The following STAM variants were observed in gnomAD, a reference collection of about 807,000 sequenced individuals.
The protein encoded by STAM is signal transducing adapter molecule 1.
STAM carries 16 observed loss-of-function variants against 63.4 expected under a neutral mutation model. That is an observed-to-expected ratio of 0.25 (90% CI 0.17 to 0.38). The LOEUF is 0.38. Ranked by LOEUF, STAM falls within the 10% of genes least tolerant of loss-of-function variation. STAM has a pLI of 1.00. For synonymous variants in STAM, 238 were observed against 223.9 expected, an observed-to-expected ratio of 1.06 and a Z score of -0.56; for missense variants, 636 against 657.1, an observed-to-expected ratio of 0.97 and a Z score of 0.35.
rs146234865 is a variant in STAM at position 17,705,669 on chromosome 10, G to A, written c.1137G>A (p.Pro379=). The part of the protein sequence containing the change: ...SLYTKLMNED[P]MYSMYAKLQN... ...ATACCAAGTTAATGAACGAAGATCC[G>A]ATGTATTCCATGTATGCAAAGTTAC... Residue 379 remains proline (P), a synonymous_variant, in exon 12 of 14, where the codon CCG becomes CCA. Transcript: ENST00000377524. 24 of 1,613,844 alleles carry A rather than the reference G, an allele frequency of 1.5e-5. No individual in the cohort carries two copies. The highest frequency in any genetic ancestry group is 6.7e-5 in the East Asian group (3 of 44,892).
In STAM at chr10:17,704,892, A is replaced by C. The variant is rs562496820; in HGVS notation, c.1001-78A>C. ...CCAAATTAAATCTTTTATTCCTTAA[A>C]TTATACAAATATCTATCAAAGGTTC... On this transcript the variant is annotated intron_variant, in intron 10 of 13. Coordinates refer to ENST00000377524, the MANE Select transcript of STAM (RefSeq NM_003473.4). 5.2e-5 allele frequency: 63 copies of C among 1,217,020 alleles called. No homozygotes were observed. In the African/African-American group the frequency reaches 8.7e-4, roughly 17 times the overall value. 75.4% of individuals were successfully genotyped at this position (1,217,020 alleles called of 1,614,324 possible).
chr10:17,652,645 T>TA (rs1432597790), intron 1 of STAM, among the ~76,000 whole-genome samples: 1 of 152,010 alleles, frequency 6.6e-6, no homozygotes, highest in African/African-American at 2.4e-5. Context: ...TGTGTTCTTT[T>TA]AAAAAATGCA....
chr10:17,673,143 T>G, intron 2 of STAM: 1 of 593,558 alleles, frequency 1.7e-6, no homozygotes, highest in Non-Finnish European at 2.1e-6. Context: ...TTACCATGTA[T>G]TTTTACAAAA....
chr10:17,691,953 T>TTACC (rs1462903151), intron 5 of STAM, among the ~76,000 whole-genome samples: 21 of 152,228 alleles, frequency 1.4e-4, no homozygotes, highest in Non-Finnish European at 2.9e-5. Flanking sequence ...GTCATGTGTA[T>TTACC]TACCTCTACA....
intron 2 of STAM, among the ~76,000 whole-genome samples, chr10:17,663,044 G>C (rs1554823065): frequency 6.6e-6 from 1 of 151,928 alleles, no homozygotes. Context: ...TAATAATTGG[G>C]TCAATTGCTT....
At chr10:17,652,564 A>C (rs1554821668) in intron 1 of STAM, among the ~76,000 whole-genome samples, 1 of 152,230 alleles carries the variant, frequency 6.6e-6, no homozygotes, top group Non-Finnish European at 1.5e-5. Context: ...ATAAACTGTT[A>C]ACTTTTTAAT....
intron 9 of STAM, among the ~76,000 whole-genome samples, chr10:17,701,073 A>T (rs1203901218): frequency 6.6e-6 from 1 of 152,218 alleles, no homozygotes; most frequent in Non-Finnish European, 1.5e-5. Context: ...AAAATATAAT[A>T]TCAACTTGGT....
chr10:17,682,705 A>T (rs947458715), intron 2 of STAM, among the ~76,000 whole-genome samples: 4 of 152,216 alleles, frequency 2.6e-5, no homozygotes, highest in South Asian at 2.1e-4. Flanking sequence ...CACATGAAAA[A>T]AAATGTGTAT....
At chr10:17,693,493 A>C (rs1356351736) in intron 6 of STAM, among the ~76,000 whole-genome samples, 181 bp downstream of exon 6, 3 of 152,140 alleles carry the variant, frequency 2.0e-5, no homozygotes, top group Non-Finnish European at 4.4e-5. Context: ...CTTTCAGTCT[A>C]TGTTTTTATG....
At chr10:17,674,494 G>A (rs565908603) in intron 2 of STAM, among the ~76,000 whole-genome samples, 1 of 152,124 alleles carries the variant, frequency 6.6e-6, no homozygotes, top group Non-Finnish European at 1.5e-5. Context: ...ACCTCACCTG[G>A]CTATCAGGTG....
At chr10:17,688,343 C>T (rs530186607) in intron 5 of STAM, among the ~76,000 whole-genome samples, 170 bp downstream of exon 5, 2 of 152,260 alleles carry the variant, frequency 1.3e-5, no homozygotes, top group Admixed American at 6.5e-5. Context: ...TACTAGTTTT[C>T]TGGCATTCAG....
intron 1 of STAM, among the ~76,000 whole-genome samples, chr10:17,645,104 A>C (rs1441683719): frequency 6.6e-6 from 1 of 152,202 alleles, no homozygotes; most frequent in Admixed American, 6.5e-5. Flanking sequence ...TCAATTCAAT[A>C]GGTTTGCTTT....
intron 5 of STAM, among the ~76,000 whole-genome samples, chr10:17,688,517 CA>C (rs1835392985): frequency 6.6e-6 from 1 of 152,094 alleles, no homozygotes; most frequent in Non-Finnish European, 1.5e-5. Context: ...GGGTAGAGTG[CA>C]GTAGCGTGAT....
chr10:17,647,703 G>A (rs1833573435), intron 1 of STAM, among the ~76,000 whole-genome samples: 1 of 152,110 alleles, frequency 6.6e-6, no homozygotes, highest in Admixed American at 6.5e-5. Context: ...TCTTACCTCA[G>A]AGAGTTGTTA....
intron 1 of STAM, among the ~76,000 whole-genome samples, chr10:17,646,772 T>A (rs1011635653): frequency 6.6e-6 from 1 of 152,352 alleles, no homozygotes; most frequent in Middle Eastern, 3.4e-3. Flanking sequence ...AGACTCATAT[T>A]ATTTTTTAAT....
intron 1 of STAM, among the ~76,000 whole-genome samples, chr10:17,648,020 A>G (rs1338641661): frequency 6.6e-6 from 1 of 151,924 alleles, no homozygotes; most frequent in East Asian, 1.9e-4. Context: ...GTAGACGACA[A>G]CATGATTACT....
Position 17,688,246 on chromosome 10 carries a change from T to G in STAM, c.444+73T>G, listed in dbSNP as rs138624263. On this transcript the variant is annotated intron_variant, in intron 5 of 13. Transcript: ENST00000377524. ...AATAGCTATATTTATTTGAATTTTT[T>G]TCTTCATTCCCAGGTAATTTTTACT... The G allele has an allele frequency of 2.2e-3, 2,893 of 1,328,148 alleles. 33 individuals are homozygous for G. The African/African-American group carries it at 0.038, about 18-fold the overall frequency. 82.3% of individuals were successfully genotyped at this position (1,328,148 alleles called of 1,614,324 possible).
chr10:17,697,127 C>T (rs782474731), intron 8 of STAM, among the ~76,000 whole-genome samples: 13 of 152,132 alleles, frequency 8.5e-5, no homozygotes, highest in Admixed American at 6.5e-5. Flanking sequence ...CAGGGTTTCA[C>T]CATGTTGGCC....
At chr10:17,660,968 A>G (rs1325879035) in intron 2 of STAM, among the ~76,000 whole-genome samples, 1 of 152,008 alleles carries the variant, frequency 6.6e-6, no homozygotes, top group Non-Finnish European at 1.5e-5. Context: ...CACTGATTTT[A>G]GAGTTATTAG....
Sources: gnomAD v4.1 joint callset for allele counts (sites outside exome capture counted in the v4.1 genomes callset) on GRCh38, gnomAD v4.1.1 for gene constraint, MANE v1.5 for transcripts, NCBI Gene and HGNC (gene_info 2026-07-23, HGNC 2026-07-21) for gene names.